Variants in MYO6 observed in about 807,000 individuals in gnomAD.
MYO6 encodes the protein unconventional myosin-VI.
In MYO6, 74 loss-of-function variants were observed where a neutral mutation model predicts 178.7. The observed-to-expected ratio is 0.41, with a 90% CI of 0.34 to 0.50. The LOEUF (loss-of-function observed/expected upper bound fraction) is 0.50. Among genes scored for constraint, MYO6 ranks in the 20% least tolerant of loss-of-function variants. The probability of loss-of-function intolerance (pLI) is 0.09; values close to 1 mark genes in which losing one functional copy is unlikely to be tolerated. For synonymous variants in MYO6, 477 were observed against 504.6 expected (o/e 0.95, Z 0.73); for missense variants, 1,330 against 1,547.4 (o/e 0.86, Z 2.36).
intron 15 of MYO6, 143 bp from the exon 16 acceptor site, chr6:75,862,453 A>G (rs147002602): frequency 2.0e-5 from 15 of 761,810 alleles, no homozygotes; most frequent in Middle Eastern, 3.6e-4. Context: ...TCAGCTCTCT[A>G]TAACTTTTGA....
chr6:75,818,629 C>T (rs1771533924), intron 2 of MYO6, among the ~76,000 whole-genome samples: 1 of 152,118 alleles, frequency 6.6e-6, no homozygotes, highest in African/African-American at 2.4e-5. Context: ...TAACTAATGC[C>T]ATATGACTAC....
At chr6:75,914,772 G>C in intron 34 of MYO6, 41 bp from the exon 35 acceptor site, 1 of 1,590,336 alleles carries the variant, frequency 6.3e-7, no homozygotes, top group Non-Finnish European at 8.6e-7. Context: ...AAATGGTCCT[G>C]AAGAGAGAGA....
At chr6:75,826,561 C>T (rs1312418130) in intron 3 of MYO6, among the ~76,000 whole-genome samples, 1 of 152,016 alleles carries the variant, frequency 6.6e-6, no homozygotes, top group African/African-American at 2.4e-5. Context: ...GGGAGTGGTT[C>T]AACAGAGTGC....
At chr6:75,908,872 T>G (rs1340263334) in intron 32 of MYO6, among the ~76,000 whole-genome samples, 1 of 152,142 alleles carries the variant, frequency 6.6e-6, no homozygotes, top group Admixed American at 6.6e-5. Flanking sequence ...TTTTCTTGTC[T>G]GAAGAGGGTG....
chr6:75,769,817 T>C (rs1315658215), intron 1 of MYO6, among the ~76,000 whole-genome samples: 3 of 152,222 alleles, frequency 2.0e-5, no homozygotes, highest in Non-Finnish European at 4.4e-5. Flanking sequence ...GGAGAATTGC[T>C]TGAACCTGGG....
At chr6:75,881,327 T>G (rs532159169) in intron 22 of MYO6, among the ~76,000 whole-genome samples, 1 of 152,290 alleles carries the variant, frequency 6.6e-6, no homozygotes, top group East Asian at 1.9e-4. Flanking sequence ...TAAGGATATC[T>G]GAGAATGTGG....
chr6:75,836,022 C>G, intron 7 of MYO6, 66 bp downstream of exon 7: 1 of 1,047,802 alleles, frequency 9.5e-7, no homozygotes, highest in Non-Finnish European at 1.5e-6. Context: ...TTTTAGTGGT[C>G]TGGAATGTTC....
intron 23 of MYO6, 150 bp downstream of exon 23, chr6:75,881,968 CT>C (rs1562280868): frequency 1.1e-6 from 1 of 878,882 alleles, no homozygotes; most frequent in Non-Finnish European, 1.8e-6. Flanking sequence ...GATGTTCTTT[CT>C]TTTTTTATTT....
chr6:75,811,114 T>G (rs1194588299), intron 1 of MYO6, among the ~76,000 whole-genome samples: 8 of 140,440 alleles, frequency 5.7e-5, no homozygotes, highest in South Asian at 2.6e-4. Flanking sequence ...GTGGGGGTGG[T>G]GGGGATTGGG....
intron 20 of MYO6, among the ~76,000 whole-genome samples, chr6:75,874,300 C>T (rs1476900454): frequency 3.3e-5 from 5 of 152,194 alleles, no homozygotes; most frequent in Admixed American, 3.3e-4. Context: ...TTATTGTCTG[C>T]ACAGGGTTGG....
Position 75,870,095 on chromosome 6 carries a change from C to G in MYO6, c.1945-552C>G, listed in dbSNP as rs148132365. ...TGCCACTGCACTCTAGCCTGGGCGA[C>G]AGAGCAAGACTCCGTCTCAAAAAAA... On this transcript the variant is annotated intron_variant, in intron 18 of 34. Transcript: ENST00000369977. Among the ~76,000 whole-genome samples the G allele has an allele frequency of 2.6e-3, 391 of 150,382 alleles. 1 individual carries two copies. The highest frequency in any genetic ancestry group is 9.1e-3 in the African/African-American group (373 of 40,834).
intron 29 of MYO6, among the ~76,000 whole-genome samples, chr6:75,897,737 A>G (rs1405506406): frequency 1.3e-5 from 2 of 152,252 alleles, no homozygotes; most frequent in Admixed American, 6.5e-5. Flanking sequence ...AAAGAATTAA[A>G]CAAAATTTGA....
intron 16 of MYO6, among the ~76,000 whole-genome samples, chr6:75,864,029 CA>C (rs1554212244): frequency 6.6e-6 from 1 of 152,052 alleles, no homozygotes; most frequent in Non-Finnish European, 1.5e-5. Context: ...CAGTTTCGAC[CA>C]CAAAGATAGT....
intron 3 of MYO6, among the ~76,000 whole-genome samples, chr6:75,824,181 A>T (rs1344056660): frequency 6.6e-6 from 1 of 152,174 alleles, no homozygotes; most frequent in Admixed American, 6.5e-5. Flanking sequence ...CCATTTCTTA[A>T]ATTAATATTT....
At chr6:75,830,649 T>A in intron 5 of MYO6, 104 bp downstream of exon 5, 1 of 1,156,860 alleles carries the variant, frequency 8.6e-7, no homozygotes, top group Non-Finnish European at 1.3e-6. Flanking sequence ...ATTGAATATA[T>A]ATTTTGGAGA....
chr6:75,800,854 G>T (rs190311533), intron 1 of MYO6, among the ~76,000 whole-genome samples: 1 of 152,108 alleles, frequency 6.6e-6, no homozygotes, highest in African/African-American at 2.4e-5. Flanking sequence ...CTGAATAGCC[G>T]GAATTACAGG....
chr6:75,873,371 T>C (rs1777301672), intron 20 of MYO6, 71 bp downstream of exon 20: 1 of 1,107,452 alleles, frequency 9.0e-7, no homozygotes, highest in East Asian at 2.4e-5. Flanking sequence ...GTTCAGTATT[T>C]TCAAATAATT....
At chr6:75,875,121 T>C (rs527389497) in intron 20 of MYO6, among the ~76,000 whole-genome samples, 1 of 152,350 alleles carries the variant, frequency 6.6e-6, no homozygotes, top group Admixed American at 6.5e-5. Context: ...TTTCTTCTCA[T>C]TCTATGTCAG....
chr6:75,862,269 A>G (rs1446834584), intron 15 of MYO6, among the ~76,000 whole-genome samples: 1 of 152,238 alleles, frequency 6.6e-6, no homozygotes, highest in African/African-American at 2.4e-5. Flanking sequence ...TACTTTGAAT[A>G]TAGCTGTCAT....
Sources: gnomAD v4.1 joint callset for allele counts (sites outside exome capture counted in the v4.1 genomes callset) on GRCh38, gnomAD v4.1.1 for gene constraint, MANE v1.5 for transcripts, NCBI Gene and HGNC (gene_info 2026-07-23, HGNC 2026-07-21) for gene names.